The following SRGAP3 variants were observed in gnomAD, a reference collection of about 807,000 sequenced individuals.
SRGAP3 encodes SLIT-ROBO Rho GTPase activating protein 3.
In SRGAP3, 39 loss-of-function variants were observed where a neutral mutation model predicts 121.1. That is an observed-to-expected ratio of 0.32 (90% CI 0.25 to 0.42). The LOEUF is 0.42. SRGAP3 is among the 10% of genes least tolerant of loss of function. SRGAP3 has a pLI of 1.00. For missense variants in SRGAP3, 1,213 were observed against 1,470.6 expected (o/e 0.82, Z 2.86); for synonymous variants, 601 against 570.0 (o/e 1.05, Z -0.77).
At chr3:9,324,892 G>T (rs533374566) in intron 3 of SRGAP3, among the ~76,000 whole-genome samples, 9 of 151,610 alleles carry the variant, frequency 5.9e-5, no homozygotes, top group Admixed American at 4.6e-4. Context: ...GGGAGGCGGA[G>T]CTTGCAGTGA....
chr3:9,260,536 GT>G (rs1954232955), intron 3 of SRGAP3, among the ~76,000 whole-genome samples: 2 of 152,262 alleles, frequency 1.3e-5, no homozygotes, highest in South Asian at 4.1e-4. Context: ...CCACTGGGAA[GT>G]TCAAACGATG....
chr3:9,023,064 T>C (rs1358628984), intron 14 of SRGAP3, among the ~76,000 whole-genome samples: 3 of 138,230 alleles, frequency 2.2e-5, no homozygotes, highest in Non-Finnish European at 3.2e-5. Context: ...AAGGGTGGGG[T>C]TGCCCGTGGC....
intron 1 of SRGAP3, chr3:9,217,025 C>T (rs1379429828): frequency 6.6e-6 from 1 of 151,934 alleles, no homozygotes; most frequent in Non-Finnish European, 1.5e-5. Context: ...ACAGGGAGTT[C>T]CTGTTCACTG....
chr3:9,144,393 T>G (rs992871450), intron 1 of SRGAP3, among the ~76,000 whole-genome samples: 1 of 152,248 alleles, frequency 6.6e-6, no homozygotes, highest in African/African-American at 2.4e-5. Flanking sequence ...TTTGTACTGA[T>G]GCAGATTCCT....
Position 9,249,291 on chromosome 3 carries a change from A to G in SRGAP3, c.-340T>C, listed in dbSNP as rs946092183. ...AATAACCAAGCGCACTCACACACAC[A>G]TGCACACGTACACACACTCACGCAT... is the stretch of plus-strand genomic sequence containing the variant. On this transcript the variant is annotated 5_prime_UTR_variant, in exon 1 of 22. The change abolishes an upstream ATG in the 5' untranslated region. Coordinates refer to ENST00000383836, the MANE Select transcript of SRGAP3 (RefSeq NM_014850.4). 3.1e-5 allele frequency: 14 copies of G among 452,228 alleles called. No homozygotes were observed. The highest frequency in any genetic ancestry group is 1.6e-4 in the East Asian group (4 of 25,622). 28.0% of individuals were successfully genotyped at this position (452,228 alleles called of 1,614,324 possible).
At chr3:9,333,605 C>T (rs1955644010) in intron 1 of SRGAP3, among the ~76,000 whole-genome samples, 1 of 152,170 alleles carries the variant, frequency 6.6e-6, no homozygotes, top group African/African-American at 2.4e-5. Flanking sequence ...ATTATTTCTT[C>T]AGACAGGGTT....
chr3:9,277,505 G>A (rs1316844156), intron 3 of SRGAP3, among the ~76,000 whole-genome samples: 1 of 151,504 alleles, frequency 6.6e-6, no homozygotes, highest in Non-Finnish European at 1.5e-5. Context: ...CTACTTGGGA[G>A]GCTGAGGCAG....
intron 1 of SRGAP3, chr3:9,362,759 A>G (rs2030966268): frequency 6.6e-6 from 1 of 152,228 alleles, no homozygotes; most frequent in Admixed American, 6.5e-5. Flanking sequence ...GCTTTAAAAC[A>G]GAAATCAGTC....
At chr3:9,318,340 T>TGCTCCACAGG (rs1955383032) in intron 3 of SRGAP3, among the ~76,000 whole-genome samples, 1 of 151,888 alleles carries the variant, frequency 6.6e-6, no homozygotes, top group Non-Finnish European at 1.5e-5. Context: ...ATGTCCTTTC[T>TGCTCCACAGG]GCTCCACAGG....
intron 3 of SRGAP3, among the ~76,000 whole-genome samples, chr3:9,276,096 A>G (rs1954570839): frequency 6.6e-6 from 1 of 152,304 alleles, no homozygotes; most frequent in South Asian, 2.1e-4. Context: ...CATGTATTGA[A>G]TGAATGAATC....
At chr3:9,175,390 A>G (rs139984005) in intron 1 of SRGAP3, among the ~76,000 whole-genome samples, 1 of 152,322 alleles carries the variant, frequency 6.6e-6, no homozygotes, top group East Asian at 1.9e-4. Flanking sequence ...AATTCCTAGC[A>G]CAAGCCAGGG....
intron 3 of SRGAP3, among the ~76,000 whole-genome samples, chr3:9,088,948 AC>A (rs542154009): frequency 1.3e-5 from 2 of 151,976 alleles, no homozygotes; most frequent in South Asian, 4.2e-4. Context: ...CGTACAGCCC[AC>A]AGATGTATTT....
At chr3:9,209,036 G>A (rs980451336) in intron 1 of SRGAP3, among the ~76,000 whole-genome samples, 1 of 152,162 alleles carries the variant, frequency 6.6e-6, no homozygotes, top group Non-Finnish European at 1.5e-5. Context: ...GACTAAATAA[G>A]AGGTTAAAAA....
At chr3:9,042,438 GAAA>G (rs3070001) in intron 10 of SRGAP3, among the ~76,000 whole-genome samples, 9 of 132,778 alleles carry the variant, frequency 6.8e-5, no homozygotes, top group Non-Finnish European at 8.2e-5. Flanking sequence ...TTTATTTACA[GAAA>G]AAAAAAAAAA....
intron 21 of SRGAP3, 79 bp from the exon 22 acceptor site, chr3:8,986,011 T>G: frequency 6.9e-6 from 11 of 1,593,560 alleles, no homozygotes; most frequent in Non-Finnish European, 9.3e-6. Context: ...GCAGCTTCCC[T>G]TCGTAGGCAG....
intron 1 of SRGAP3, among the ~76,000 whole-genome samples, chr3:9,140,435 A>G (rs1949808253): frequency 6.6e-6 from 1 of 152,242 alleles, no homozygotes. Flanking sequence ...GAAAAGATAG[A>G]AGAATATACA....
intron 9 of SRGAP3, among the ~76,000 whole-genome samples, chr3:9,051,685 G>A (rs1945584694): frequency 6.7e-6 from 1 of 149,180 alleles, no homozygotes; most frequent in African/African-American, 2.5e-5. Flanking sequence ...ACCCGGTATA[G>A]AAGGGGTGAA....
intron 3 of SRGAP3, among the ~76,000 whole-genome samples, chr3:9,080,298 TC>T (rs1947178900): frequency 6.6e-6 from 1 of 152,176 alleles, no homozygotes; most frequent in African/African-American, 2.4e-5. Context: ...CAGATGGGAT[TC>T]CCTGATCATA....
At chr3:9,075,341 T>A (rs2669993) in intron 4 of SRGAP3, among the ~76,000 whole-genome samples, 101,465 of 152,082 alleles carry the variant, frequency 0.67, 34,714 homozygotes, top group South Asian at 0.79. Context: ...TGCTAGTGTG[T>A]GGTGCATGTC....
Sources: gnomAD v4.1 joint callset for allele counts (sites outside exome capture counted in the v4.1 genomes callset) on GRCh38, gnomAD v4.1.1 for gene constraint, MANE v1.5 for transcripts, NCBI Gene and HGNC (gene_info 2026-07-23, HGNC 2026-07-21) for gene names.